The following NTRK2 variants were observed in gnomAD, a reference collection of about 807,000 sequenced individuals.
NTRK2 encodes the protein neurotrophic receptor tyrosine kinase 2.
Under a neutral mutation model 94.5 loss-of-function variants are expected in NTRK2, and 13 were observed. That is an observed-to-expected ratio of 0.14 (90% CI 0.09 to 0.22). The LOEUF (loss-of-function observed/expected upper bound fraction) is 0.22. Among genes scored for constraint, NTRK2 ranks in the 10% least tolerant of loss-of-function variants. The pLI is 1.00. For synonymous variants in NTRK2, 372 were observed against 407.4 expected, an observed-to-expected ratio of 0.91 and a Z score of 1.05; for missense variants, 639 against 1,071.2, an observed-to-expected ratio of 0.60 and a Z score of 5.63.
chr9:84,779,801 C>T (rs1213284564), intron 12 of NTRK2, among the ~76,000 whole-genome samples: 1 of 152,210 alleles, frequency 6.6e-6, no homozygotes, highest in Admixed American at 6.5e-5. Flanking sequence ...GAACTTTTCT[C>T]AACGTGTCAG....
intron 14 of NTRK2, among the ~76,000 whole-genome samples, chr9:84,889,233 G>A (rs951104650): frequency 1.1e-4 from 16 of 149,546 alleles, no homozygotes; most frequent in African/African-American, 2.0e-4. Flanking sequence ...CTCGTGATCC[G>A]CCCGCCTCGG....
intron 14 of NTRK2, among the ~76,000 whole-genome samples, chr9:84,869,241 T>C (rs907125739): frequency 2.0e-5 from 3 of 152,172 alleles, no homozygotes; most frequent in Non-Finnish European, 2.9e-5. Flanking sequence ...ATTGTGTGGC[T>C]CAGTCATTCT....
chr9:84,987,101 C>G (rs1828414310), intron 17 of NTRK2, among the ~76,000 whole-genome samples: 1 of 152,152 alleles, frequency 6.6e-6, no homozygotes, highest in Non-Finnish European at 1.5e-5. Flanking sequence ...GCATTTAAGA[C>G]CCAGGTTGAC....
In NTRK2 at chr9:84,973,817, A is replaced by G. The variant is rs900027276; in HGVS notation, c.2172+18300A>G. Among the ~76,000 whole-genome samples, 3 of 152,202 alleles carry G rather than the reference A, an allele frequency of 2.0e-5. 1 individual carries two copies. Among genetic ancestry groups the G allele is most frequent in the Non-Finnish European group, 4.4e-5 (3 of 68,024 alleles). On this transcript the variant is annotated intron_variant, in intron 17 of 18. Transcript: ENST00000277120. Reference sequence around the variant, plus strand: ...GACTCAGGTTCACTGAATTAAACCAAAATATTGTCTTCACAGAGAAGACTT... The same window carrying G: ...GACTCAGGTTCACTGAATTAAACCAGAATATTGTCTTCACAGAGAAGACTT...
At chr9:84,941,890 T>C (rs2078422318) in intron 15 of NTRK2, among the ~76,000 whole-genome samples, 1 of 152,234 alleles carries the variant, frequency 6.6e-6, no homozygotes, top group Non-Finnish European at 1.5e-5. Context: ...TAGTTTAAAG[T>C]ATGTGAATCA....
In NTRK2 at chr9:85,019,499, C is replaced by T. The variant is rs796856407; in HGVS notation, c.2173-707C>T. The stretch of plus-strand genomic sequence containing the variant: ...AAAGTTTTCTTTGCCTGTACTAATG[C>T]GATTGCTATCTGATGCCCCAGTCTC... On this transcript the variant is annotated intron_variant, in intron 17 of 18. Coordinates refer to ENST00000277120, the MANE Select transcript of NTRK2 (RefSeq NM_006180.6). 6.6e-5 allele frequency among the ~76,000 whole-genome samples: 10 copies of T among 152,226 alleles called. 1 individual carries two copies. Among genetic ancestry groups the T allele is most frequent in the African/African-American group, 1.7e-4 (7 of 41,542 alleles).
chr9:84,934,197 A>G lies in NTRK2; in HGVS notation c.1669A>G (p.Lys557Glu), dbSNP rs200481866. 6.2e-7 allele frequency: 1 copy of G among 1,613,902 alleles called. No individual in the cohort carries two copies. The change falls in exon 15 of 19, where the codon AAA (lysine) becomes GAA (glutamate). Residue 557 changes from lysine to glutamate, a missense_variant. Coordinates refer to ENST00000277120, the MANE Select transcript of NTRK2 (RefSeq NM_006180.6). ...CATCAAGCGACATAACATTGTTCTG[A>G]AAAGGGAGCTAGGCGAAGGAGCCTT... ...QHIKRHNIVL[K>E]RELGEGAFGK...
At chr9:84,801,144 C>G (rs901707681) in intron 12 of NTRK2, among the ~76,000 whole-genome samples, 1 of 152,126 alleles carries the variant, frequency 6.6e-6, no homozygotes, top group Admixed American at 6.5e-5. Flanking sequence ...TTATCAGAAC[C>G]TGTTAGATTT....
At chr9:84,964,986 C>T (rs1347141250) in intron 17 of NTRK2, among the ~76,000 whole-genome samples, 1 of 152,120 alleles carries the variant, frequency 6.6e-6, no homozygotes, top group Non-Finnish European at 1.5e-5. Flanking sequence ...CTTACATTTA[C>T]ATAATACTTT....
At chr9:84,951,081 T>A (rs1346605445) in intron 16 of NTRK2, among the ~76,000 whole-genome samples, 2 of 152,246 alleles carry the variant, frequency 1.3e-5, no homozygotes, top group Non-Finnish European at 1.5e-5. Flanking sequence ...TGGTATCACA[T>A]GGCTGGTGCC....
chr9:84,901,168 A>T (rs929408857), intron 14 of NTRK2, among the ~76,000 whole-genome samples: 44 of 139,002 alleles, frequency 3.2e-4, no homozygotes, highest in Admixed American at 9.3e-4. Flanking sequence ...CTCTGTTACA[A>T]CTTTCATTTT....
chr9:84,783,240 G>A (rs1293885412), intron 12 of NTRK2, among the ~76,000 whole-genome samples: 1 of 152,164 alleles, frequency 6.6e-6, no homozygotes, highest in Admixed American at 6.5e-5. Context: ...TTCCCTTCTT[G>A]ACAGTGCTCT....
At chr9:84,706,207 G>A (rs971200190) in intron 4 of NTRK2, among the ~76,000 whole-genome samples, 1 of 148,702 alleles carries the variant, frequency 6.7e-6, no homozygotes, top group Non-Finnish European at 1.5e-5. Context: ...GAAGAGAGAA[G>A]ATGCACGCCT....
intron 17 of NTRK2, among the ~76,000 whole-genome samples, chr9:84,964,520 C>T (rs1163665742): frequency 6.6e-6 from 1 of 152,178 alleles, no homozygotes; most frequent in East Asian, 1.9e-4. Flanking sequence ...GCTCGGTATT[C>T]AACGGGCATC....
chr9:84,838,735 C>T (rs1479211230), intron 12 of NTRK2, among the ~76,000 whole-genome samples: 1 of 152,090 alleles, frequency 6.6e-6, no homozygotes, highest in African/African-American at 2.4e-5. Flanking sequence ...TATAATAGTT[C>T]ACTATTTTGT....
intron 11 of NTRK2, among the ~76,000 whole-genome samples, chr9:84,746,515 A>G (rs1307867029): frequency 6.6e-6 from 1 of 152,042 alleles, no homozygotes; most frequent in Admixed American, 6.6e-5. Context: ...TGTAAAGTGC[A>G]GATCAGATCA....
chr9:84,752,344 A>T (rs2064705392), intron 12 of NTRK2, among the ~76,000 whole-genome samples: 1 of 152,214 alleles, frequency 6.6e-6, no homozygotes, highest in African/African-American at 2.4e-5. Context: ...ACTAATAAAG[A>T]TATGACAAAG....
At chr9:84,979,624 T>G (rs1827333457) in intron 17 of NTRK2, among the ~76,000 whole-genome samples, 1 of 152,204 alleles carries the variant, frequency 6.6e-6, no homozygotes, top group Admixed American at 6.5e-5. Flanking sequence ...GCAGCAGAGT[T>G]TGAGAGAATG....
At chr9:84,795,610 G>A (rs997763644) in intron 12 of NTRK2, among the ~76,000 whole-genome samples, 5 of 152,144 alleles carry the variant, frequency 3.3e-5, no homozygotes, top group Non-Finnish European at 5.9e-5. Context: ...ATCTTCAAAT[G>A]TCAAGGGGGT....
Sources: allele counts gnomAD v4.1 joint callset (sites outside exome capture counted in the v4.1 genomes callset), GRCh38; gene constraint gnomAD v4.1.1; transcripts MANE v1.5; gene names NCBI Gene and HGNC (gene_info 2026-07-23, HGNC 2026-07-21).